Variants in NAALADL2 observed in about 807,000 individuals in gnomAD.
The protein encoded by NAALADL2 is N-acetylated alpha-linked acidic dipeptidase like 2, also known as inactive N-acetylated-alpha-linked acidic dipeptidase-like protein 2.
NAALADL2 carries 76 observed loss-of-function variants against 87.2 expected under a neutral mutation model. The observed-to-expected ratio is 0.87, with a 90% confidence interval of 0.72 to 1.05. The LOEUF is 1.05. Among genes scored for constraint, NAALADL2 ranks in the 50% least tolerant of loss-of-function variants. The pLI is 0.00. For missense variants in NAALADL2, 1,089 were observed against 945.8 expected, an observed-to-expected ratio of 1.15 and a Z score of -1.99; for synonymous variants, 354 against 331.0, an observed-to-expected ratio of 1.07 and a Z score of -0.75.
At chr3:174,873,396 AG>A (rs1051365828) in intron 1 of NAALADL2, among the ~76,000 whole-genome samples, 1 of 151,994 alleles carries the variant, frequency 6.6e-6, no homozygotes, top group African/African-American at 2.4e-5. Context: ...CTGGGACTAC[AG>A]GGGCACATCA....
chr3:175,132,114 G>T (rs1315835633), intron 2 of NAALADL2, among the ~76,000 whole-genome samples: 2 of 138,042 alleles, frequency 1.4e-5, no homozygotes, highest in Non-Finnish European at 1.6e-5. Flanking sequence ...CGCCCGGATG[G>T]GGCGGCTGGC....
rs528621538 is a variant in NAALADL2, at chr3:174,834,116, A to C, written c.-9+96370A>C. On this transcript the variant is annotated intron_variant, in intron 3 of 3. Coordinates refer to the NAALADL2 transcript ENST00000434257. ...AAAGAAGCAAACTGTGACATGTTAA[A>C]AGCAGGATTTATTCCCAAATGCAAG... Among the ~76,000 whole-genome samples the C allele has an allele frequency of 4.4e-4, 65 of 149,158 alleles. 4 individuals carry two copies. The highest frequency in any genetic ancestry group is 1.6e-3 in the African/African-American group (62 of 39,640).
At chr3:174,740,881 A>C (rs1733696259) in intron 3 of NAALADL2, among the ~76,000 whole-genome samples, 1 of 151,812 alleles carries the variant, frequency 6.6e-6, no homozygotes, top group African/African-American at 2.4e-5. Flanking sequence ...AGGGTAGATT[A>C]AATTATAGGA....
intron 2 of NAALADL2, among the ~76,000 whole-genome samples, chr3:175,131,920 C>T (rs1434474523): frequency 8.8e-6 from 1 of 113,228 alleles, no homozygotes; most frequent in Non-Finnish European, 1.8e-5. Flanking sequence ...GGCAGAGGGG[C>T]TCCTCACTTC....
chr3:174,664,975 C>A (rs910247826), intron 2 of NAALADL2, among the ~76,000 whole-genome samples: 4 of 152,206 alleles, frequency 2.6e-5, no homozygotes, highest in African/African-American at 9.6e-5. Context: ...CAGAGTGGAA[C>A]TTTCAGTTGC....
chr3:175,525,219 T>G (rs1474068653), intron 9 of NAALADL2, among the ~76,000 whole-genome samples: 1 of 152,138 alleles, frequency 6.6e-6, no homozygotes, highest in East Asian at 1.9e-4. Flanking sequence ...CTTCTGTGTA[T>G]CACCTTAGTC....
intron 5 of NAALADL2, among the ~76,000 whole-genome samples, chr3:175,440,824 TC>T (rs1299852015): frequency 1.3e-5 from 2 of 152,182 alleles, no homozygotes; most frequent in African/African-American, 4.8e-5. Context: ...GATCATGTCA[TC>T]AGCAAAGGGC....
intron 13 of NAALADL2, among the ~76,000 whole-genome samples, chr3:175,777,656 T>G (rs1750433439): frequency 6.6e-6 from 1 of 152,138 alleles, no homozygotes; most frequent in Non-Finnish European, 1.5e-5. Flanking sequence ...GATAAAACCA[T>G]CAGCCTCTGT....
intron 3 of NAALADL2, among the ~76,000 whole-genome samples, chr3:174,767,201 A>G (rs1034018505): frequency 1.6e-4 from 24 of 152,318 alleles, no homozygotes; most frequent in African/African-American, 5.5e-4. Context: ...AATATAATTA[A>G]CAGTTGATTG....
At chr3:175,143,762 C>T (rs978495038) in intron 2 of NAALADL2, among the ~76,000 whole-genome samples, 2 of 151,846 alleles carry the variant, frequency 1.3e-5, no homozygotes, top group Non-Finnish European at 2.9e-5. Context: ...AATGTATTCT[C>T]AAGTTTCTTT....
At chr3:175,513,084 C>T (rs1227522223) in intron 9 of NAALADL2, among the ~76,000 whole-genome samples, 3 of 152,164 alleles carry the variant, frequency 2.0e-5, no homozygotes, top group Non-Finnish European at 4.4e-5. Context: ...TTTCTGTGTG[C>T]TTCTTATTTC....
At chr3:175,553,922 G>A (rs1714851035) in intron 9 of NAALADL2, among the ~76,000 whole-genome samples, 1 of 152,160 alleles carries the variant, frequency 6.6e-6, no homozygotes, top group African/African-American at 2.4e-5. Context: ...CTAGTGGAAG[G>A]AGTCAGGTGA....
chr3:174,832,478 T>C (rs1256690903), intron 3 of NAALADL2, among the ~76,000 whole-genome samples: 1 of 152,174 alleles, frequency 6.6e-6, no homozygotes. Flanking sequence ...TGTTGTTTTT[T>C]TGAGATGGAG....
chr3:175,689,131 AG>A (rs1736701378), intron 11 of NAALADL2, among the ~76,000 whole-genome samples: 1 of 152,198 alleles, frequency 6.6e-6, no homozygotes, highest in South Asian at 2.1e-4. Context: ...AGGTAATTAA[AG>A]AAAAGTGAAA....
intron 2 of NAALADL2, among the ~76,000 whole-genome samples, chr3:175,171,429 C>T (rs892772756): frequency 2.6e-5 from 4 of 151,972 alleles, no homozygotes; most frequent in African/African-American, 7.2e-5. Flanking sequence ...GCCTTCTAAA[C>T]GGAGTTGTGT....
chr3:175,470,293 A>T (rs1482734193), intron 8 of NAALADL2, among the ~76,000 whole-genome samples: 3 of 152,124 alleles, frequency 2.0e-5, no homozygotes, highest in Non-Finnish European at 4.4e-5. Flanking sequence ...ATTGTGTGGC[A>T]TGGTGAATAT....
At chr3:174,869,340 C>A (rs765782562) in intron 1 of NAALADL2, among the ~76,000 whole-genome samples, 1 of 152,068 alleles carries the variant, frequency 6.6e-6, no homozygotes, top group Admixed American at 6.6e-5. Context: ...CAAAACAGTT[C>A]TAGGAGATAA....
intron 2 of NAALADL2, among the ~76,000 whole-genome samples, chr3:174,663,001 TTATC>T (rs1725645561): frequency 6.6e-6 from 1 of 152,220 alleles, no homozygotes; most frequent in African/African-American, 2.4e-5. Flanking sequence ...TAGGTATTAT[TTATC>T]TATTTTTTGT....
intron 1 of NAALADL2, among the ~76,000 whole-genome samples, chr3:174,991,186 A>G (rs189028024): frequency 1.3e-5 from 2 of 152,172 alleles, no homozygotes; most frequent in Non-Finnish European, 2.9e-5. Flanking sequence ...TCATTCATTC[A>G]ATAAGTTATT....
Sources: gnomAD v4.1 joint callset for allele counts (sites outside exome capture counted in the v4.1 genomes callset) on GRCh38, gnomAD v4.1.1 for gene constraint, MANE v1.5 for transcripts, NCBI Gene and HGNC (gene_info 2026-07-23, HGNC 2026-07-21) for gene names.